The following SLC5A10 variants were observed in gnomAD, a reference collection of about 807,000 sequenced individuals.
SLC5A10 encodes solute carrier family 5 member 10, also known as sodium/mannose cotransporter SLC5A10.
SLC5A10 carries 55 observed loss-of-function variants against 68.9 expected under a neutral mutation model. The observed-to-expected ratio is 0.80, with a 90% CI of 0.64 to 1.00. SLC5A10 has a LOEUF of 1.00. Ranked by LOEUF, SLC5A10 falls within the 50% of genes least tolerant of loss-of-function variation. The pLI is 0.00. For synonymous variants in SLC5A10, 344 were observed against 344.8 expected (o/e 1.00, Z 0.02); for missense variants, 732 against 819.3 (o/e 0.89, Z 1.30).
At chr17:18,982,029 AC>A (rs1413171401) in intron 9 of SLC5A10, among the ~76,000 whole-genome samples, 1 of 152,072 alleles carries the variant, frequency 6.6e-6, no homozygotes, top group African/African-American at 2.4e-5. Context: ...CAGCATCAGG[AC>A]CCTTCTGGAC....
intron 5 of SLC5A10, among the ~76,000 whole-genome samples, chr17:18,964,392 C>T (rs1394450596): frequency 6.6e-6 from 1 of 152,196 alleles, no homozygotes; most frequent in East Asian, 1.9e-4. Flanking sequence ...TACCATAAGG[C>T]ATGACTGGGC....
At chr17:18,960,720 G>A in intron 5 of SLC5A10, 68 bp downstream of exon 5, 1 of 1,412,988 alleles carries the variant, frequency 7.1e-7, no homozygotes, top group Non-Finnish European at 1.0e-6. Flanking sequence ...CCCTCAAGAG[G>A]ACCTGACATC....
rs924801799 is a variant in SLC5A10, at chr17:19,000,960, G to A, written c.983-12450G>A. Among the ~76,000 whole-genome samples, 10 of 152,120 alleles carry A rather than the reference G, an allele frequency of 6.6e-5. No individual in the cohort carries two copies. Among genetic ancestry groups the A allele is most frequent in the Non-Finnish European group, 1.5e-5 (1 of 68,008 alleles). ...TGGCCTGGATGAGCTGCCCCTCCCA[G>A]CCCCTGCCTGTCACTCTGTCCTGCC... On this transcript the variant is annotated intron_variant, in intron 9 of 14. Coordinates refer to ENST00000395645, the MANE Select transcript of SLC5A10 (RefSeq NM_001042450.4). This position sits in a 1 kb window ranked among gnomAD's most constrained non-coding sequence, Gnocchi z 5.2.
At chr17:18,951,121 T>C (rs2042362253), upstream of SLC5A10, among the ~76,000 whole-genome samples, 1 of 152,270 alleles carries the variant, frequency 6.6e-6, no homozygotes, top group Non-Finnish European at 1.5e-5. Context: ...TCATTAACAC[T>C]TCTGGAAGTG....
intron 9 of SLC5A10, among the ~76,000 whole-genome samples, chr17:19,008,690 G>A (rs569929777): frequency 3.3e-5 from 5 of 151,968 alleles, no homozygotes; most frequent in African/African-American, 9.6e-5. Context: ...TAATAGAGAC[G>A]GGGTTTCACC....
At chr17:18,960,725 GAC>G in intron 5 of SLC5A10, 73 bp downstream of exon 5, 1 of 1,370,182 alleles carries the variant, frequency 7.3e-7, no homozygotes, top group Non-Finnish European at 1.0e-6. Context: ...AAGAGGACCT[GAC>G]ATCTTCTCAT....
intron 9 of SLC5A10, 122 bp from the exon 10 acceptor site, chr17:19,013,288 G>A (rs937594163): frequency 6.7e-7 from 1 of 1,483,556 alleles, no homozygotes; most frequent in Non-Finnish European, 9.0e-7. Context: ...AGGCCAAATG[G>A]TAACAGGTCA....
chr17:18,952,583 C>G, intron 1 of SLC5A10: 2 of 367,322 alleles, frequency 5.4e-6, no homozygotes, highest in Non-Finnish European at 1.0e-5. Context: ...GTGCTGCTGC[C>G]CAGCTGGAGT....
intron 2 of SLC5A10, 144 bp downstream of exon 2, chr17:18,958,897 G>A (rs2151992721): frequency 2.1e-6 from 2 of 962,216 alleles, no homozygotes; most frequent in East Asian, 2.6e-5. Context: ...CAAGTGAGGG[G>A]CATAGGGCTG....
At chr17:18,999,192 C>T (rs183810491) in intron 9 of SLC5A10, among the ~76,000 whole-genome samples, 1 of 152,028 alleles carries the variant, frequency 6.6e-6, no homozygotes, top group African/African-American at 2.4e-5. Flanking sequence ...GCAGGAGAAT[C>T]GCTTGAACCC....
intron 5 of SLC5A10, among the ~76,000 whole-genome samples, chr17:18,963,724 G>A (rs1339549954): frequency 6.6e-6 from 1 of 152,246 alleles, no homozygotes; most frequent in Non-Finnish European, 1.5e-5. Context: ...TCAGGCAGGG[G>A]CACTGGCCCA....
At chr17:19,012,516 T>C (rs2044035838) in intron 9 of SLC5A10, among the ~76,000 whole-genome samples, 7 of 151,942 alleles carry the variant, frequency 4.6e-5, no homozygotes, top group Admixed American at 3.9e-4. Flanking sequence ...CATGTCCAAG[T>C]CCTCCCAGGG....
chr17:18,989,925 C>T (rs949670188), intron 9 of SLC5A10, among the ~76,000 whole-genome samples: 1 of 152,180 alleles, frequency 6.6e-6, no homozygotes, highest in Non-Finnish European at 1.5e-5. Flanking sequence ...CGTTTAGTCT[C>T]GGAGAGCCTG....
intron 5 of SLC5A10, among the ~76,000 whole-genome samples, chr17:18,965,244 A>G (rs2042687999): frequency 6.6e-6 from 1 of 152,118 alleles, no homozygotes; most frequent in South Asian, 2.1e-4. Flanking sequence ...CGGAATCCAT[A>G]GCAGTGGCCG....
intron 9 of SLC5A10, chr17:18,978,550 C>T: frequency 6.2e-7 from 1 of 1,613,298 alleles, no homozygotes; most frequent in East Asian, 2.2e-5. Flanking sequence ...GCCCCAGGGG[C>T]TTCTTGGCCT....
rs1165670943 is a variant in SLC5A10, at chr17:19,003,105, C to A, written c.983-10305C>A. ...TTGGACCATGCCTATTCCCTCACCC[C>A]ACAACAAAAGCTCTCCCCACCAGAG... On this transcript the variant is annotated intron_variant, in intron 9 of 14. Coordinates refer to ENST00000395645, the MANE Select transcript of SLC5A10 (RefSeq NM_001042450.4). The surrounding 1 kb of genome is among the most constrained non-coding windows in gnomAD (Gnocchi z 4.5). Among the ~76,000 whole-genome samples the A allele has an allele frequency of 6.6e-6, 1 of 151,986 alleles. No homozygotes were observed. The highest frequency in any genetic ancestry group is 1.9e-4 in the East Asian group (1 of 5,198).
chr17:19,019,217 C>A (rs2044204993), intron 11 of SLC5A10: 1 of 603,144 alleles, frequency 1.7e-6, no homozygotes, highest in African/African-American at 1.9e-5. Context: ...AGGAGCTGCA[C>A]CTGCAGGATC....
chr17:18,976,777 T>G (rs574050907), intron 8 of SLC5A10, 77 bp from the exon 9 acceptor site: 1 of 1,569,404 alleles, frequency 6.4e-7, no homozygotes, highest in African/African-American at 1.3e-5. Context: ...GCCCATTCCC[T>G]GAGGCCCACC....
chr17:18,951,837 A>T, upstream of SLC5A10: 1 of 253,154 alleles, frequency 4.0e-6, no homozygotes, highest in South Asian at 5.4e-5. Flanking sequence ...TACAAATTAG[A>T]TATAGGTGAA....
Sources: allele counts gnomAD v4.1 joint callset (sites outside exome capture counted in the v4.1 genomes callset), GRCh38; gene constraint gnomAD v4.1.1; non-coding constraint Gnocchi (gnomAD v3.1); transcripts MANE v1.5; gene names NCBI Gene and HGNC (gene_info 2026-07-23, HGNC 2026-07-21).